MAGI2: variants seen among roughly 807,000 people sequenced by gnomAD.
MAGI2 encodes the protein membrane associated guanylate kinase, WW and PDZ domain containing 2, also known as membrane-associated guanylate kinase, WW and PDZ domain-containing protein 2.
Under a neutral mutation model 133.3 loss-of-function variants are expected in MAGI2, and 35 were observed. The observed-to-expected ratio is 0.26, with a 90% CI of 0.20 to 0.35. The LOEUF (loss-of-function observed/expected upper bound fraction) is 0.35, where lower values mean the gene tolerates loss of function less well. MAGI2 is among the 10% of genes least tolerant of loss of function. MAGI2 has a pLI of 1.00. For synonymous variants in MAGI2, 729 were observed against 710.6 expected (o/e 1.03, Z -0.41); for missense variants, 1,636 against 1,863.4 (o/e 0.88, Z 2.25).
chr7:79,175,980 C>T (rs1205803516), intron 1 of MAGI2, among the ~76,000 whole-genome samples: 1 of 151,914 alleles, frequency 6.6e-6, no homozygotes, highest in African/African-American at 2.4e-5. Flanking sequence ...TCATTTGTTA[C>T]CTCTCTCACC....
At chr7:78,657,251 T>A (rs1230026163) in intron 2 of MAGI2, among the ~76,000 whole-genome samples, 2 of 152,144 alleles carry the variant, frequency 1.3e-5, no homozygotes, top group Non-Finnish European at 2.9e-5. Flanking sequence ...TACAGCTAGT[T>A]TGGAAGAGTT....
chr7:78,041,053 C>A (rs7796403), intron 21 of MAGI2, among the ~76,000 whole-genome samples: 10,377 of 152,070 alleles, frequency 0.068, 791 homozygotes, highest in African/African-American at 0.18. Context: ...TCCTTTAGTA[C>A]CAAAGACCAC....
chr7:78,957,100 C>A (rs187651323), intron 2 of MAGI2, among the ~76,000 whole-genome samples: 1 of 151,690 alleles, frequency 6.6e-6, no homozygotes, highest in East Asian at 1.9e-4. Flanking sequence ...CCTGTCTCTA[C>A]TAAAAATACA....
At chr7:78,999,442 T>C (rs1806641154) in intron 2 of MAGI2, among the ~76,000 whole-genome samples, 1 of 152,152 alleles carries the variant, frequency 6.6e-6, no homozygotes, top group Non-Finnish European at 1.5e-5. Flanking sequence ...ATTTATATTC[T>C]GTAGAGCACT....
chr7:79,189,552 CT>C (rs1281661942), intron 1 of MAGI2, among the ~76,000 whole-genome samples: 1 of 151,642 alleles, frequency 6.6e-6, no homozygotes, highest in Non-Finnish European at 1.5e-5. Context: ...TATTCCCCTC[CT>C]TCCCCCAGCT....
intron 2 of MAGI2, among the ~76,000 whole-genome samples, chr7:78,666,111 C>T (rs1813549460): frequency 6.6e-6 from 1 of 152,048 alleles, no homozygotes; most frequent in South Asian, 2.1e-4. Context: ...TTTTGCTATC[C>T]AACGTAAGTC....
chr7:78,690,822 A>G (rs1176139901), intron 2 of MAGI2, among the ~76,000 whole-genome samples: 2 of 152,258 alleles, frequency 1.3e-5, no homozygotes, highest in East Asian at 3.9e-4. Context: ...CTGAATAGTC[A>G]CTCTAAATGG....
At chr7:78,847,623 A>G (rs1374909583) in intron 2 of MAGI2, among the ~76,000 whole-genome samples, 1 of 152,010 alleles carries the variant, frequency 6.6e-6, no homozygotes, top group East Asian at 1.9e-4. Context: ...TAGAGTTAAA[A>G]GATCTTGTAC....
intron 3 of MAGI2, among the ~76,000 whole-genome samples, chr7:78,603,483 A>T (rs2150885920): frequency 6.6e-6 from 1 of 152,300 alleles, no homozygotes; most frequent in Non-Finnish European, 1.5e-5. Context: ...AAAACATTCA[A>T]GATTTGAAGC....
At chr7:78,557,098 AAAG>A (rs1377423469) in intron 3 of MAGI2, among the ~76,000 whole-genome samples, 193 of 110,502 alleles carry the variant, frequency 1.7e-3, no homozygotes, top group African/African-American at 5.0e-3. Flanking sequence ...AAAAAAAAAA[AAAG>A]AAAAAGAAAA....
At chr7:78,682,151 T>G (rs967251626) in intron 2 of MAGI2, among the ~76,000 whole-genome samples, 11 of 152,168 alleles carry the variant, frequency 7.2e-5, no homozygotes, top group Admixed American at 7.2e-4. Context: ...ATATTTTGTT[T>G]CAGGAAATAA....
intron 2 of MAGI2, among the ~76,000 whole-genome samples, chr7:78,932,557 G>T (rs1800218944): frequency 6.6e-6 from 1 of 151,956 alleles, no homozygotes; most frequent in Non-Finnish European, 1.5e-5. Flanking sequence ...TCTCAATCAT[G>T]TATTGAAACA....
At chr7:78,060,714 A>G (rs760256660) in intron 21 of MAGI2, among the ~76,000 whole-genome samples, 1 of 152,256 alleles carries the variant, frequency 6.6e-6, no homozygotes, top group Non-Finnish European at 1.5e-5. Context: ...TACTAAGCCA[A>G]GAAAACAGCA....
chr7:78,369,846 A>C (rs1291198889), intron 6 of MAGI2, among the ~76,000 whole-genome samples: 1 of 151,996 alleles, frequency 6.6e-6, no homozygotes, highest in East Asian at 1.9e-4. Context: ...TCACACACAC[A>C]CACATTAAAA....
At chr7:78,344,065 T>TG in intron 8 of MAGI2, 105 bp from the exon 9 acceptor site, 2 of 972,710 alleles carry the variant, frequency 2.1e-6, no homozygotes, top group Non-Finnish European at 3.1e-6. Context: ...GGGGTAAATG[T>TG]GGGGGGTCTT....
intron 2 of MAGI2, among the ~76,000 whole-genome samples, chr7:78,869,518 G>C (rs1048955888): frequency 1.3e-5 from 2 of 152,164 alleles, no homozygotes; most frequent in African/African-American, 4.8e-5. Flanking sequence ...CTGTAAAGAA[G>C]TACCTGAGAC....
chr7:78,901,572 A>G (rs1033390557), intron 2 of MAGI2: 5 of 152,172 alleles, frequency 3.3e-5, no homozygotes, highest in Admixed American at 6.5e-5. Context: ...CACTTTGGTT[A>G]TTTTGGTGTT....
At chr7:78,661,762 C>A (rs944682277) in intron 2 of MAGI2, among the ~76,000 whole-genome samples, 1 of 152,198 alleles carries the variant, frequency 6.6e-6, no homozygotes, top group Non-Finnish European at 1.5e-5. Flanking sequence ...ATACCTCCAA[C>A]TGCTTGATCA....
chr7:78,065,009 TA>T (rs1423908146), intron 21 of MAGI2, among the ~76,000 whole-genome samples: 5 of 152,074 alleles, frequency 3.3e-5, no homozygotes, highest in African/African-American at 9.7e-5. Context: ...ATTGGGCCCT[TA>T]AAATTTTTTT....
Sources: allele counts gnomAD v4.1 joint callset (sites outside exome capture counted in the v4.1 genomes callset), GRCh38; gene constraint gnomAD v4.1.1; transcripts MANE v1.5; gene names NCBI Gene and HGNC (gene_info 2026-07-23, HGNC 2026-07-21).